Variants in IPO8 observed in about 807,000 individuals in gnomAD.
IPO8 encodes importin 8.
IPO8 carries 65 observed loss-of-function variants against 141.2 expected under a neutral mutation model. That is an observed-to-expected ratio of 0.46 (90% CI 0.38 to 0.57). The LOEUF is 0.57. Ranked by LOEUF, IPO8 falls within the 20% of genes least tolerant of loss-of-function variation. The pLI, the probability that IPO8 is intolerant of heterozygous loss-of-function variation, is 0.00. For synonymous variants in IPO8, 411 were observed against 420.3 expected, an observed-to-expected ratio of 0.98 and a Z score of 0.27; for missense variants, 980 against 1,246.8, an observed-to-expected ratio of 0.79 and a Z score of 3.22.
intron 7 of IPO8, 24 bp from the exon 8 acceptor site, chr12:30,674,098 AC>A (rs1408863198): frequency 1.4e-6 from 2 of 1,387,918 alleles, no homozygotes; most frequent in African/African-American, 2.8e-5. Flanking sequence ...GAGAAAATGT[AC>A]AAATACCGTG....
At chr12:30,655,871 T>C (rs1030276284) in intron 17 of IPO8, among the ~76,000 whole-genome samples, 3 of 152,222 alleles carry the variant, frequency 2.0e-5, no homozygotes, top group Non-Finnish European at 4.4e-5. Context: ...ATCTGAGTAC[T>C]ACACAGCTTG....
intron 18 of IPO8, 21 bp from the exon 19 acceptor site, chr12:30,652,310 C>A: frequency 7.4e-7 from 1 of 1,346,744 alleles, no homozygotes; most frequent in Non-Finnish European, 1.1e-6. Context: ...ATCAAAATCC[C>A]AATGAGACTT....
chr12:30,672,298 G>T (rs958341994), intron 8 of IPO8, among the ~76,000 whole-genome samples: 1 of 152,074 alleles, frequency 6.6e-6, no homozygotes, highest in Non-Finnish European at 1.5e-5. Context: ...TAAAACTCAG[G>T]TTTACCAAAT....
At chr12:30,680,674 T>C in intron 4 of IPO8, 36 bp from the exon 5 acceptor site, 1 of 1,536,248 alleles carries the variant, frequency 6.5e-7, no homozygotes, top group Non-Finnish European at 8.8e-7. Context: ...AAAGTAATTT[T>C]TCCCACCCAA....
chr12:30,662,578 G>T, intron 14 of IPO8, 91 bp from the exon 15 acceptor site: 1 of 926,764 alleles, frequency 1.1e-6, no homozygotes. Context: ...GTGACCCAGG[G>T]TAATACCTAA....
At chr12:30,663,990 T>C (rs970840960) in intron 13 of IPO8, among the ~76,000 whole-genome samples, 31 of 152,222 alleles carry the variant, frequency 2.0e-4, no homozygotes, top group African/African-American at 7.5e-4. Flanking sequence ...AACCAGTATC[T>C]GAAATTCATT....
At chr12:30,676,976 A>T in intron 5 of IPO8, 1 of 1,530,962 alleles carries the variant, frequency 6.5e-7, no homozygotes, top group Non-Finnish European at 8.8e-7. Flanking sequence ...ACATTTTTTT[A>T]AATTACTTTC....
At chr12:30,691,937 T>G (rs1336247853) in intron 1 of IPO8, among the ~76,000 whole-genome samples, 1 of 152,220 alleles carries the variant, frequency 6.6e-6, no homozygotes, top group South Asian at 2.1e-4. Context: ...ATCACAAATC[T>G]GTGGCATGTA....
chr12:30,681,833 G>C lies in IPO8; in HGVS notation c.324-16C>G. On this transcript the variant is annotated splice_polypyrimidine_tract_variant and intron_variant, in intron 3 of 24. Coordinates refer to ENST00000256079, the MANE Select transcript of IPO8 (RefSeq NM_006390.4). ...TAATTGGACTCTACAAAGTAGGGAAGAAAAGTCCAAAATCTAAGTAATTAT... is the reference window on the plus strand; with the variant it reads ...TAATTGGACTCTACAAAGTAGGGAACAAAAGTCCAAAATCTAAGTAATTAT... The C allele has an allele frequency of 6.3e-7, 1 of 1,593,230 alleles. No homozygotes were observed. The highest frequency in any genetic ancestry group is 8.5e-7 in the Non-Finnish European group (1 of 1,170,228).
chr12:30,664,317 T>C (rs1235786725), intron 13 of IPO8, among the ~76,000 whole-genome samples: 1 of 152,220 alleles, frequency 6.6e-6, no homozygotes, highest in Non-Finnish European at 1.5e-5. Context: ...ATTGCGCTAG[T>C]AACTATTATT....
chr12:30,682,439 A>G (rs1403125678), intron 3 of IPO8, among the ~76,000 whole-genome samples: 1 of 152,228 alleles, frequency 6.6e-6, no homozygotes, highest in Admixed American at 6.5e-5. Context: ...AGCTATTTCC[A>G]AAGAAATAAA....
chr12:30,670,542 A>G (rs534702585), intron 9 of IPO8, among the ~76,000 whole-genome samples: 1 of 152,362 alleles, frequency 6.6e-6, no homozygotes, highest in Non-Finnish European at 1.5e-5. Flanking sequence ...GCTCATACCT[A>G]CAAAATAAAA....
intron 12 of IPO8, among the ~76,000 whole-genome samples, 166 bp downstream of exon 12, chr12:30,665,563 C>T (rs909830962): frequency 2.6e-5 from 4 of 152,126 alleles, no homozygotes; most frequent in Non-Finnish European, 5.9e-5. Flanking sequence ...TTTAAACAGT[C>T]AAATTTTCTT....
intron 9 of IPO8, 48 bp downstream of exon 9, chr12:30,670,914 C>A (rs755597617): frequency 2.6e-6 from 4 of 1,534,074 alleles, no homozygotes; most frequent in Non-Finnish European, 3.5e-6. Context: ...TCTAGAAAAC[C>A]TAATTTAACC....
chr12:30,694,738 A>C (rs1480470474), intron 1 of IPO8, among the ~76,000 whole-genome samples: 1 of 152,128 alleles, frequency 6.6e-6, no homozygotes, highest in African/African-American at 2.4e-5. Flanking sequence ...CACAACCTAA[A>C]ACAGCTGTTG....
rs1470588750 is a variant in IPO8 at position 30,684,363 on chromosome 12, G to A, written c.261C>T (p.Asn87=). The A allele has an allele frequency of 1.2e-5, 19 of 1,613,928 alleles. No individual in the cohort carries two copies. Among genetic ancestry groups the A allele is most frequent in the East Asian group, 2.2e-5 (1 of 44,882 alleles). Residue 87 remains asparagine, a synonymous_variant, in exon 3 of 25, where the codon AAC becomes AAT. Transcript: ENST00000256079. The part of the protein sequence containing the change: ...EAIFPFNIHE[N]DRQQIRDNIV... ...TGTTATCACGTATTTGCTGGCGATC[G>A]TTTTCGTGAATGTTGAATGGAAATA...
Position 30,632,005 on chromosome 12 carries a change from T to C in IPO8, c.2906A>G (p.Gln969Arg). 1 of 1,610,614 alleles carries C rather than the reference T, an allele frequency of 6.2e-7. No individual in the cohort carries two copies. The highest frequency in any genetic ancestry group is 8.5e-7 in the Non-Finnish European group (1 of 1,178,772). ...CTGGTACCAGGCTGCATCTCGACTC[T>C]GCACAGCTGTTGCATTTTGGGAGGA... ...QFFTQALITVQSRDAAWYQLL... is the reference protein window; with the variant it reads ...QFFTQALITVRSRDAAWYQLL... The change falls in exon 24 of 25, where the codon CAG (glutamine) becomes CGG (arginine). Residue 969 changes from glutamine (Q) to arginine (R), a missense_variant. This residue lies in a region of IPO8 where 924 missense variants were observed against 1,153.9 expected (regional missense o/e 0.80). Transcript: ENST00000256079.
intron 9 of IPO8, among the ~76,000 whole-genome samples, chr12:30,669,870 T>C (rs1184898480): frequency 6.6e-6 from 1 of 152,234 alleles, no homozygotes; most frequent in Non-Finnish European, 1.5e-5. Flanking sequence ...CTAGCCTCTC[T>C]GTGCACTGCT....
chr12:30,631,084 A>G (rs2052425919), intron 24 of IPO8, 127 bp from the exon 25 acceptor site: 1 of 645,194 alleles, frequency 1.5e-6, no homozygotes, highest in Non-Finnish European at 2.7e-6. Context: ...GACTGGTAGT[A>G]TTAGTTATCC....
Sources: gnomAD v4.1 joint callset for allele counts (sites outside exome capture counted in the v4.1 genomes callset) on GRCh38, gnomAD v4.1.1 for gene constraint, gnomAD v4.1.1 regional missense constraint, MANE v1.5 for transcripts, NCBI Gene and HGNC (gene_info 2026-07-23, HGNC 2026-07-21) for gene names.